TBP: variants seen among roughly 807,000 people sequenced by gnomAD.
TBP encodes the protein TATA-box binding protein.
A neutral mutation model predicts 46.2 loss-of-function variants in TBP; 12 were observed. The ratio of observed to expected loss-of-function variants is 0.26; its 90% confidence interval spans 0.17 to 0.42. The LOEUF is 0.42. TBP is among the 10% of genes least tolerant of loss of function. The probability of loss-of-function intolerance (pLI) is 1.00; values close to 1 mark genes in which losing one functional copy is unlikely to be tolerated. For synonymous variants in TBP, 157 were observed against 148.3 expected (o/e 1.06, Z -0.42); for missense variants, 229 against 403.1 (o/e 0.57, Z 3.70).
intron 4 of TBP, among the ~76,000 whole-genome samples, chr6:170,565,919 A>T (rs916711585): frequency 3.9e-5 from 6 of 152,180 alleles, no homozygotes; most frequent in Admixed American, 3.9e-4. Context: ...CAGAAAATTT[A>T]AAAAATTATC....
Position 170,561,878 on chromosome 6 carries a change from AGTCT to A in TBP, c.147_150del (p.Ser50PhefsTer93). 1 of 1,613,968 alleles carries A rather than the reference AGTCT, an allele frequency of 6.2e-7. No homozygotes were observed. The highest frequency in any genetic ancestry group is 1.7e-5 in the Admixed American group (1 of 60,000). ...CCCACAGCCTATTCAGAACACCAATAGTCTGTCTATTTTGGAAGAGCAACAAAGG... is the reference window on the plus strand; with the variant it reads ...CCCACAGCCTATTCAGAACACCAATAGTCTATTTTGGAAGAGCAACAAAGG... On this transcript the variant is annotated frameshift_variant, in exon 3 of 8. Transcript: ENST00000392092. LOFTEE classifies it high-confidence loss of function.
chr6:170,567,100 A>G, intron 5 of TBP, 91 bp downstream of exon 5: 1 of 839,214 alleles, frequency 1.2e-6, no homozygotes, highest in East Asian at 3.1e-5. Context: ...TAGCACTTTA[A>G]CATGTTATTA....
At position 170,572,338 on chromosome 6, in the gene TBP, C is replaced by A; in HGVS notation, c.*73C>A. 1 of 1,224,084 alleles carries A rather than the reference C, an allele frequency of 8.2e-7. No homozygotes were observed. The highest frequency in any genetic ancestry group is 1.5e-5 in the African/African-American group (1 of 64,910). The allele number at this position is 1,224,084 out of a possible 1,614,324, so 75.8% of individuals were successfully genotyped here. On this transcript the variant is annotated 3_prime_UTR_variant, in exon 8 of 8. Coordinates refer to ENST00000392092, the MANE Select transcript of TBP (RefSeq NM_003194.5). ...TTAAACAAATCAGTTTGTTTTGGTA[C>A]CTTTAAATGGTGGTGTTGTGAGAAG...
intron 7 of TBP, 62 bp from the exon 8 acceptor site, chr6:170,572,124 A>G: frequency 3.1e-6 from 4 of 1,299,684 alleles, no homozygotes; most frequent in Non-Finnish European, 4.5e-6. Flanking sequence ...GAATTTTACC[A>G]TCTTAATATG....
At position 170,561,940 on chromosome 6, in the gene TBP, GCAGCAGCAGCAA is replaced by G. The variant is rs747085150; in HGVS notation, c.210_221del (p.Gln92_Gln95del). The G allele has an allele frequency of 3.8e-6, 6 of 1,587,234 alleles. No individual in the cohort carries two copies. The Admixed American group carries it at 8.7e-5, about 23-fold the overall frequency. On this transcript the variant is annotated inframe_deletion, in exon 3 of 8. Coordinates refer to ENST00000392092, the MANE Select transcript of TBP (RefSeq NM_003194.5). Reference sequence around the variant, plus strand: ...AGCAACAACAACAGCAGCAGCAGCAGCAGCAGCAGCAACAGCAACAGCAGCAGCAGCAGCAGC... The same window carrying G: ...AGCAACAACAACAGCAGCAGCAGCAGCAGCAACAGCAGCAGCAGCAGCAGC...
In TBP at chr6:170,561,883, G is replaced by A. The variant is rs1299064758; in HGVS notation, c.147G>A (p.Leu49=). ...TPQPIQNTNS[L]SILEEQQRQQ... is the part of the protein sequence containing the mutation. ...AGCCTATTCAGAACACCAATAGTCT[G>A]TCTATTTTGGAAGAGCAACAAAGGC... The change falls in exon 3 of 8, where the codon CTG becomes CTA. Residue 49 remains leucine (L), a synonymous_variant. Coordinates refer to ENST00000392092, the MANE Select transcript of TBP (RefSeq NM_003194.5). 6.2e-7 allele frequency: 1 copy of A among 1,613,882 alleles called. No individual in the cohort carries two copies. Among genetic ancestry groups the A allele is most frequent in the African/African-American group, 1.3e-5 (1 of 74,858 alleles).
chr6:170,557,888 G>C (rs1457189789), intron 2 of TBP, among the ~76,000 whole-genome samples: 1 of 151,710 alleles, frequency 6.6e-6, no homozygotes, highest in Non-Finnish European at 1.5e-5. Flanking sequence ...CCCCTTTATA[G>C]TCACTCTGCT....
intron 1 of TBP, among the ~76,000 whole-genome samples, chr6:170,556,150 A>G (rs1562357217): frequency 1.3e-5 from 2 of 152,212 alleles, no homozygotes; most frequent in South Asian, 2.1e-4. Context: ...CTTGAAGTGC[A>G]TATGCCTGAA....
intron 5 of TBP, 74 bp downstream of exon 5, chr6:170,567,083 A>G: frequency 8.1e-7 from 1 of 1,231,790 alleles, no homozygotes; most frequent in Non-Finnish European, 1.1e-6. Context: ...TTTTTAGGTT[A>G]TTAGGTTAGC....
chr6:170,564,130 A>T (rs2114996758), intron 3 of TBP, among the ~76,000 whole-genome samples: 1 of 152,250 alleles, frequency 6.6e-6, no homozygotes, highest in East Asian at 1.9e-4. Flanking sequence ...CATTATAAAT[A>T]GTTACTTAGG....
Position 170,562,006 on chromosome 6 carries a change from G to GCAGCAGCAA in TBP, c.278_279insACAGCAGCA (p.Gln93_Gln95dup). ...AGCAGCAGCAGCAGCAGCAGCAGCAGCAGCAGCAGCAACAGGCAGTGGCAG... is the reference window on the plus strand; with the variant it reads ...AGCAGCAGCAGCAGCAGCAGCAGCAGCAGCAGCAACAGCAGCAGCAACAGGCAGTGGCAG... On this transcript the variant is annotated inframe_insertion, in exon 3 of 8. Transcript: ENST00000392092. 1 of 1,581,136 alleles carries GCAGCAGCAA rather than the reference G, an allele frequency of 6.3e-7. No homozygotes were observed. Among genetic ancestry groups the GCAGCAGCAA allele is most frequent in the Non-Finnish European group, 8.6e-7 (1 of 1,163,824 alleles).
At chr6:170,567,045 T>A (rs1317424948) in intron 5 of TBP, 36 bp downstream of exon 5, 3 of 1,563,800 alleles carry the variant, frequency 1.9e-6, no homozygotes, top group Non-Finnish European at 2.6e-6. Flanking sequence ...GGTCTATGGG[T>A]TATGAATGAA....
Position 170,561,996 on chromosome 6 carries a change from A to G in TBP, c.260A>G (p.Gln87Arg), listed in dbSNP as rs1309553160. The G allele has an allele frequency of 6.2e-7, 1 of 1,606,716 alleles. No homozygotes were observed. Among genetic ancestry groups the G allele is most frequent in the Non-Finnish European group, 8.5e-7 (1 of 1,175,654 alleles). ...QQQQQQQQQQQQQQQQQQQAV... is the reference protein window; with the variant it reads ...QQQQQQQQQQRQQQQQQQQAV... ...CAGCAGCAGCAGCAGCAGCAGCAGCAGCAGCAGCAGCAGCAGCAGCAACAG... is the reference window on the plus strand; with the variant it reads ...CAGCAGCAGCAGCAGCAGCAGCAGCGGCAGCAGCAGCAGCAGCAGCAACAG... Residue 87 changes from glutamine (Q) to arginine (R), a missense_variant, in exon 3 of 8, where the codon CAG becomes CGG. Physicochemically the swap from Gln to Arg is conservative, Grantham distance 43. Coordinates refer to ENST00000392092, the MANE Select transcript of TBP (RefSeq NM_003194.5).
chr6:170,558,740 C>T (rs553823136), intron 2 of TBP, among the ~76,000 whole-genome samples: 2 of 148,194 alleles, frequency 1.3e-5, no homozygotes, highest in African/African-American at 5.0e-5. Flanking sequence ...GTTGCCCAGG[C>T]TGGAGTGCAG....
At chr6:170,555,639 C>G (rs1022819837) in intron 1 of TBP, among the ~76,000 whole-genome samples, 3 of 152,162 alleles carry the variant, frequency 2.0e-5, no homozygotes, top group Admixed American at 6.5e-5. Context: ...ACACTGCGCT[C>G]TCTTCACAGT....
chr6:170,561,761 C>T, intron 2 of TBP, 30 bp from the exon 3 acceptor site: 1 of 1,597,466 alleles, frequency 6.3e-7, no homozygotes, highest in Non-Finnish European at 8.6e-7. Context: ...AGCAGCCAGC[C>T]TAACCTGTTT....
Position 170,572,457 on chromosome 6 carries a change from G to C in TBP, c.*192G>C. The C allele has an allele frequency of 1.7e-6, 1 of 605,760 alleles. No homozygotes were observed. Among genetic ancestry groups the C allele is most frequent in the Non-Finnish European group, 2.9e-6 (1 of 341,784 alleles). The allele number at this position is 605,760 out of a possible 1,614,324, so 37.5% of individuals were successfully genotyped here. ...GGAAGGGGCATTATTTGTGCACTGAGAACACCGCGCAGCGTGACTGTGAGT... is the reference window on the plus strand; with the variant it reads ...GGAAGGGGCATTATTTGTGCACTGACAACACCGCGCAGCGTGACTGTGAGT... On this transcript the variant is annotated 3_prime_UTR_variant, in exon 8 of 8. Transcript: ENST00000392092.
chr6:170,571,800 A>G (rs1480004520), intron 7 of TBP, among the ~76,000 whole-genome samples: 1 of 152,036 alleles, frequency 6.6e-6, no homozygotes, highest in African/African-American at 2.4e-5. Context: ...TTCCTCAGCA[A>G]TATGATTATG....
Position 170,571,493 on chromosome 6 carries a change from T to A in TBP, c.929T>A (p.Val310Asp). The A allele has an allele frequency of 6.2e-7, 1 of 1,611,884 alleles. No individual in the cohort carries two copies. The highest frequency in any genetic ancestry group is 8.5e-7 in the Non-Finnish European group (1 of 1,177,970). The change falls in exon 7 of 8, where the codon GTT (valine) becomes GAT (aspartate). Residue 310 changes from valine to aspartate, a missense_variant. Physicochemically the swap from Val to Asp is radical, Grantham distance 152. Transcript: ENST00000392092. ...CTCCTTATTTTTGTTTCTGGAAAAGTTGTATTAACAGGTAAGTTGTAACAG... is the reference window on the plus strand; with the variant it reads ...CTCCTTATTTTTGTTTCTGGAAAAGATGTATTAACAGGTAAGTTGTAACAG... ...IVLLIFVSGK[V>D]VLTGAKVRAE... is the part of the protein sequence containing the mutation.
Sources: gnomAD v4.1 joint callset for allele counts (sites outside exome capture counted in the v4.1 genomes callset) on GRCh38, gnomAD v4.1.1 for gene constraint, MANE v1.5 for transcripts, NCBI Gene and HGNC (gene_info 2026-07-23, HGNC 2026-07-21) for gene names.